Variants in DST observed in about 807,000 individuals in gnomAD.
The protein encoded by DST is bullous pemphigoid antigen.
In DST, 253 loss-of-function variants were observed where a neutral mutation model predicts 875.2. The ratio of observed to expected loss-of-function variants is 0.29; its 90% CI spans 0.26 to 0.32. DST has a LOEUF of 0.32. Among genes scored for constraint, DST ranks in the 10% least tolerant of loss-of-function variants. The probability of loss-of-function intolerance (pLI) is 1.00; values close to 1 mark genes in which losing one functional copy is unlikely to be tolerated. For missense variants in DST, 8,287 were observed against 9,111.6 expected (o/e 0.91, Z 3.68); for synonymous variants, 3,124 against 3,197.1 (o/e 0.98, Z 0.77).
intron 71 of DST, 93 bp from the exon 72 acceptor site, chr6:56,515,761 G>C (rs529399818): frequency 1.1e-6 from 1 of 907,370 alleles, no homozygotes; most frequent in African/African-American, 1.7e-5. Context: ...CCTGGACAGA[G>C]TGGGCGTTTG....
intron 88 of DST, among the ~76,000 whole-genome samples, chr6:56,483,123 G>T (rs2095451285): frequency 6.6e-6 from 1 of 152,128 alleles, no homozygotes; most frequent in Non-Finnish European, 1.5e-5. Context: ...AACAAGATAA[G>T]ATTATCTTAT....
At position 56,607,694 on chromosome 6, in the gene DST, T is replaced by C; in HGVS notation, c.6934A>G (p.Ile2312Val). ...EEFNEMRNTV[I>V]NSEFSQSGKL... ...CCTGACTGAGAAAATTCACTATTGA[T>C]AACAGTATTTCTCATTTCATTAAAT... is the stretch of plus-strand genomic sequence containing the variant. The change falls in exon 40 of 104, where the codon ATC (isoleucine) becomes GTC (valine). Residue 2312 changes from isoleucine (I) to valine (V), a missense_variant. By Grantham distance (29) the Ile-to-Val change is conservative. Around this residue, in one of 10 missense-constraint regions of DST, gnomAD observed 3,138 missense variants for 3,116.6 expected, o/e 1.01. Transcript: ENST00000680361. The C allele has an allele frequency of 1.9e-6, 3 of 1,613,476 alleles. No individual in the cohort carries two copies. Among genetic ancestry groups the C allele is most frequent in the Non-Finnish European group, 2.5e-6 (3 of 1,179,626 alleles).
At chr6:56,921,645 GA>G (rs1394700086) in intron 2 of DST, among the ~76,000 whole-genome samples, 1 of 152,026 alleles carries the variant, frequency 6.6e-6, no homozygotes, top group Non-Finnish European at 1.5e-5. Context: ...TTCTCATGTT[GA>G]AATCTGTTTT....
At chr6:56,672,261 G>A (rs1175195947) in intron 9 of DST, among the ~76,000 whole-genome samples, 3 of 152,062 alleles carry the variant, frequency 2.0e-5, no homozygotes, top group Non-Finnish European at 4.4e-5. Flanking sequence ...AAATGATGGG[G>A]GGCCTCACAC....
chr6:56,640,883 T>C (rs2098890771), intron 17 of DST, among the ~76,000 whole-genome samples: 1 of 152,184 alleles, frequency 6.6e-6, no homozygotes, highest in Admixed American at 6.5e-5. Flanking sequence ...TGAAATCACA[T>C]TGCTAAAATT....
chr6:56,614,105 C>T lies in DST; in HGVS notation c.5058+251G>A, dbSNP rs80182632. Among the ~76,000 whole-genome samples the T allele has an allele frequency of 0.031, 4,680 of 152,224 alleles. 211 individuals are homozygous for T. Among genetic ancestry groups the T allele is most frequent in the African/African-American group, 0.1 (4,247 of 41,522 alleles). ...CAGACCTAATTATTAGGAAAAGCAG[C>T]ATACTGTATTCGTTTACTAAAAATA... On this transcript the variant is annotated intron_variant, in intron 37 of 103. Transcript: ENST00000680361.
chr6:56,774,318 C>A (rs1419045844), intron 4 of DST, among the ~76,000 whole-genome samples: 1 of 152,034 alleles, frequency 6.6e-6, no homozygotes, highest in Non-Finnish European at 1.5e-5. Context: ...CTATCCAACA[C>A]TCTCTAAAAA....
At chr6:56,495,123 A>T (rs1475493267) in intron 82 of DST, among the ~76,000 whole-genome samples, 1 of 151,534 alleles carries the variant, frequency 6.6e-6, no homozygotes, top group Non-Finnish European at 1.5e-5. Context: ...AAAAAGCCCT[A>T]TATAAATATA....
intron 10 of DST, among the ~76,000 whole-genome samples, chr6:56,652,101 GC>G (rs1310970808): frequency 6.6e-6 from 1 of 152,056 alleles, no homozygotes; most frequent in Non-Finnish European, 1.5e-5. Context: ...GTGTGCATGT[GC>G]CCCCCTACAC....
chr6:56,803,808 T>C (rs756202373), intron 4 of DST, among the ~76,000 whole-genome samples: 23 of 152,214 alleles, frequency 1.5e-4, no homozygotes, highest in Non-Finnish European at 2.9e-4. Context: ...GGAATTTCTG[T>C]AGTTCATGGA....
rs183641370 is a variant in DST at position 56,486,191 on chromosome 6, G to A, written c.21048-720C>T. Among the ~76,000 whole-genome samples, 199 of 151,620 alleles carry A rather than the reference G, an allele frequency of 1.3e-3. No homozygotes were observed. In the East Asian group the frequency reaches 0.029, roughly 22 times the overall value. On this transcript the variant is annotated intron_variant, in intron 87 of 103. Coordinates refer to ENST00000680361, the MANE Select transcript of DST (RefSeq NM_001374736.1). ...ATCCCGGCTAAAACGGTGAAACCCC[G>A]TCTCTACTAAAAATACAAAAAATTA... is the stretch of plus-strand genomic sequence containing the variant.
At chr6:56,850,039 A>G (rs1164785608) in intron 4 of DST, among the ~76,000 whole-genome samples, 2 of 152,194 alleles carry the variant, frequency 1.3e-5, no homozygotes, top group Non-Finnish European at 2.9e-5. Flanking sequence ...TCAACAGGGC[A>G]AGGAGGCAGG....
intron 50 of DST, among the ~76,000 whole-genome samples, chr6:56,576,120 C>T (rs996046686): frequency 6.6e-6 from 1 of 152,060 alleles, no homozygotes; most frequent in Non-Finnish European, 1.5e-5. Context: ...CCATAAAAAC[C>T]CAATAGGATT....
At chr6:56,636,366 A>G (rs966706454) in intron 23 of DST, among the ~76,000 whole-genome samples, 191 bp downstream of exon 23, 25 of 151,104 alleles carry the variant, frequency 1.7e-4, no homozygotes, top group Middle Eastern at 3.5e-3. Flanking sequence ...ATGTGTGTGT[A>G]TATATATACA....
chr6:56,742,130 G>A, intron 4 of DST: 1 of 437,704 alleles, frequency 2.3e-6, no homozygotes, highest in South Asian at 1.8e-5. Context: ...AGCCTCAGAA[G>A]TTGTCCTGAT....
intron 43 of DST, chr6:56,601,963 C>G: frequency 2.3e-6 from 1 of 438,590 alleles, no homozygotes; most frequent in Non-Finnish European, 4.2e-6. Flanking sequence ...TGACAAAAGG[C>G]AAAGACCTAA....
chr6:56,851,036 A>G, intron 4 of DST: 2 of 237,436 alleles, frequency 8.4e-6, no homozygotes, highest in Admixed American at 1.0e-4. Flanking sequence ...AAGGCTGCTC[A>G]CTTCCAGCTT....
chr6:56,615,256 A>AAG (rs1189024797), intron 36 of DST: 7 of 1,250,918 alleles, frequency 5.6e-6, no homozygotes, highest in Non-Finnish European at 7.1e-6. Flanking sequence ...ATTCTACGTA[A>AAG]AAAAAAAAAC....
chr6:56,763,027 T>G (rs901534107), intron 4 of DST, among the ~76,000 whole-genome samples: 3 of 152,050 alleles, frequency 2.0e-5, no homozygotes, highest in Non-Finnish European at 2.9e-5. Flanking sequence ...ATTTTGTATT[T>G]TTACTAGAGA....
Sources: gnomAD v4.1 joint callset for allele counts (sites outside exome capture counted in the v4.1 genomes callset) on GRCh38, gnomAD v4.1.1 for gene constraint, gnomAD v4.1.1 regional missense constraint, MANE v1.5 for transcripts, NCBI Gene and HGNC (gene_info 2026-07-23, HGNC 2026-07-21) for gene names.